Variants in NAV2 observed in about 807,000 individuals in gnomAD.
The protein encoded by NAV2 is neuron navigator 2.
Under a neutral mutation model 223.2 loss-of-function variants are expected in NAV2, and 54 were observed. That is an observed-to-expected ratio of 0.24 (90% CI 0.19 to 0.30). The LOEUF is 0.30. Among genes scored for constraint, NAV2 ranks in the 10% least tolerant of loss-of-function variants. The pLI is 1.00. For missense variants in NAV2, 2,806 were observed against 3,147.5 expected (o/e 0.89, Z 2.60); for synonymous variants, 1,279 against 1,239.3 (o/e 1.03, Z -0.67).
Position 19,377,920 on chromosome 11 carries a change from C to T in NAV2, c.75+26893C>T, listed in dbSNP as rs555399458. 9.2e-5 allele frequency among the ~76,000 whole-genome samples: 14 copies of T among 152,180 alleles called. No homozygotes were observed. In the South Asian group the frequency reaches 2.9e-3, roughly 32 times the overall value. On this transcript the variant is annotated intron_variant, in intron 1 of 37. Transcript: ENST00000360655. ...AGTGGGGTGTAACAGCTCAACTTGA[C>T]TCTGGGAGTGATATGAAGTGTGGGA... is the stretch of plus-strand genomic sequence containing the variant.
chr11:19,593,068 C>A (rs558180181), intron 1 of NAV2, among the ~76,000 whole-genome samples: 1 of 152,110 alleles, frequency 6.6e-6, no homozygotes, highest in African/African-American at 2.4e-5. Flanking sequence ...CAATCACCAC[C>A]GCAATCAAGA....
At chr11:19,895,528 C>T (rs1199714395) in intron 6 of NAV2, among the ~76,000 whole-genome samples, 2 of 152,264 alleles carry the variant, frequency 1.3e-5, no homozygotes, top group East Asian at 1.9e-4. Flanking sequence ...AGGTTCCACT[C>T]GGGGATTCAA....
At chr11:20,015,710 A>G (rs887003991) in intron 11 of NAV2, among the ~76,000 whole-genome samples, 1 of 152,294 alleles carries the variant, frequency 6.6e-6, no homozygotes, top group South Asian at 2.1e-4. Flanking sequence ...CTGGCACACA[A>G]AAGTCAATAT....
intron 6 of NAV2, among the ~76,000 whole-genome samples, chr11:19,932,534 G>A (rs181606293): frequency 2.0e-5 from 3 of 152,300 alleles, no homozygotes; most frequent in Non-Finnish European, 2.9e-5. Context: ...GGCCAGGCTG[G>A]TCTTGAATTC....
intron 1 of NAV2, among the ~76,000 whole-genome samples, chr11:19,637,584 C>T (rs556112041): frequency 5.3e-5 from 8 of 152,216 alleles, no homozygotes; most frequent in East Asian, 1.9e-4. Flanking sequence ...AGTGTAGCCC[C>T]GGCATCTGCT....
rs572195039 is a variant in NAV2, at chr11:19,830,094, A to G, written c.268-2390A>G. Reference sequence around the variant, plus strand: ...ACAAAAATTAGCCAAGCGTGGTGGCATGCACCTGTAATCCCAGCTACTTGG... The same window carrying G: ...ACAAAAATTAGCCAAGCGTGGTGGCGTGCACCTGTAATCCCAGCTACTTGG... On this transcript the variant is annotated intron_variant, in intron 1 of 37. Coordinates refer to ENST00000349880, the MANE Select transcript of NAV2 (RefSeq NM_145117.5). 1.8e-4 allele frequency among the ~76,000 whole-genome samples: 28 copies of G among 152,212 alleles called. No individual in the cohort carries two copies. The South Asian group carries it at 5.6e-3, about 30-fold the overall frequency.
At chr11:19,670,783 C>A (rs938619332) in intron 1 of NAV2, among the ~76,000 whole-genome samples, 1 of 152,226 alleles carries the variant, frequency 6.6e-6, no homozygotes, top group African/African-American at 2.4e-5. Flanking sequence ...TCTGAGCCCA[C>A]AGGAAATTAT....
intron 22 of NAV2, among the ~76,000 whole-genome samples, chr11:20,071,579 A>G (rs55899622): frequency 0.22 from 33,555 of 152,112 alleles, 5,100 homozygotes; most frequent in African/African-American, 0.43. Context: ...ACTCTCATCA[A>G]CAGTATAAAA....
intron 1 of NAV2, among the ~76,000 whole-genome samples, chr11:19,706,880 G>T (rs11603922): frequency 2.6e-5 from 4 of 152,168 alleles, no homozygotes; most frequent in Non-Finnish European, 5.9e-5. Flanking sequence ...AGATGGGATG[G>T]CCTACTACAC....
chr11:19,921,236 T>A (rs976393573), intron 6 of NAV2, among the ~76,000 whole-genome samples: 24 of 152,228 alleles, frequency 1.6e-4, no homozygotes, highest in Non-Finnish European at 2.9e-4. Flanking sequence ...TTTTTTTTCT[T>A]CTGTTCCTGC....
chr11:19,489,256 T>C (rs897412381), intron 1 of NAV2, among the ~76,000 whole-genome samples: 2 of 152,174 alleles, frequency 1.3e-5, no homozygotes, highest in African/African-American at 4.8e-5. Flanking sequence ...TGCAAATAAT[T>C]CAAACCCTGA....
chr11:19,452,234 C>A (rs544785441), intron 1 of NAV2, among the ~76,000 whole-genome samples: 35 of 151,992 alleles, frequency 2.3e-4, no homozygotes, highest in Admixed American at 4.6e-4. Context: ...GAACTAAAGG[C>A]AAATTTAAGA....
intron 1 of NAV2, among the ~76,000 whole-genome samples, chr11:19,441,404 G>A (rs562503568): frequency 2.0e-4 from 30 of 151,500 alleles, no homozygotes; most frequent in Admixed American, 1.1e-3. Context: ...AGAACAGATC[G>A]GAGAGGTACA....
intron 1 of NAV2, among the ~76,000 whole-genome samples, chr11:19,735,739 C>A (rs1457165448): frequency 6.6e-6 from 1 of 152,192 alleles, no homozygotes; most frequent in Non-Finnish European, 1.5e-5. Context: ...CCCAAGGGAC[C>A]AGAGCCATCT....
intron 1 of NAV2, among the ~76,000 whole-genome samples, chr11:19,705,088 GAAAT>G (rs10646001): frequency 0.63 from 93,450 of 147,702 alleles, 33,855 homozygotes; most frequent in Middle Eastern, 0.81. Context: ...TCAATTCGTA[GAAAT>G]AAATAAATAA....
intron 11 of NAV2, among the ~76,000 whole-genome samples, chr11:20,003,009 G>A (rs181063245): frequency 1.1e-3 from 171 of 152,332 alleles, no homozygotes; most frequent in South Asian, 2.7e-3. Context: ...AACCAGAGTG[G>A]ACAGTGGCTG....
chr11:19,936,554 T>G (rs1369833531), intron 7 of NAV2, among the ~76,000 whole-genome samples: 1 of 152,206 alleles, frequency 6.6e-6, no homozygotes, highest in Non-Finnish European at 1.5e-5. Context: ...CTGTCCCCTC[T>G]GAGTTGCCTT....
intron 14 of NAV2, among the ~76,000 whole-genome samples, chr11:20,046,962 A>G (rs1395142951): frequency 3.9e-5 from 6 of 152,216 alleles, no homozygotes; most frequent in Admixed American, 3.9e-4. Flanking sequence ...CTGGGGATGA[A>G]CAGGAATGTT....
At chr11:19,899,471 G>A (rs181623167) in intron 6 of NAV2, among the ~76,000 whole-genome samples, 2 of 152,320 alleles carry the variant, frequency 1.3e-5, no homozygotes, top group East Asian at 3.9e-4. Flanking sequence ...AAGTCATGCA[G>A]ACAAAAGTAC....
Sources: allele counts gnomAD v4.1 joint callset (sites outside exome capture counted in the v4.1 genomes callset), GRCh38; gene constraint gnomAD v4.1.1; transcripts MANE v1.5; gene names NCBI Gene and HGNC (gene_info 2026-07-23, HGNC 2026-07-21).